Variants in FRMD6 observed in about 807,000 individuals in gnomAD.
FRMD6 encodes the protein FERM domain-containing protein 6.
In FRMD6, 37 loss-of-function variants were observed where a neutral mutation model predicts 73.2. The observed-to-expected ratio is 0.51, with a 90% CI of 0.39 to 0.66. The LOEUF is 0.66. Ranked by LOEUF, FRMD6 falls within the 30% of genes least tolerant of loss-of-function variation. The probability of loss-of-function intolerance (pLI) is 0.00; values close to 1 mark genes in which losing one functional copy is unlikely to be tolerated. For missense variants in FRMD6, 714 were observed against 780.5 expected (o/e 0.91, Z 1.02); for synonymous variants, 273 against 282.2 (o/e 0.97, Z 0.33).
intron 1 of FRMD6, among the ~76,000 whole-genome samples, chr14:51,516,881 T>A (rs926232791): frequency 6.6e-6 from 1 of 152,240 alleles, no homozygotes; most frequent in African/African-American, 2.4e-5. Context: ...TCTTCCCTGC[T>A]GGAAACAGTT....
At chr14:51,449,424 C>T in the FRMD6 span, among the ~76,000 whole-genome samples, 14 of 152,286 alleles carry the variant, frequency 9.2e-5, no homozygotes, top group African/African-American at 2.2e-4. Context: ...CCCATCACAG[C>T]TTATGGGATT....
the FRMD6 span, among the ~76,000 whole-genome samples, chr14:51,483,845 T>A: frequency 6.6e-6 from 1 of 152,228 alleles, no homozygotes; most frequent in Non-Finnish European, 1.5e-5. Context: ...GTAGAGTGTA[T>A]TGTTTGTTTC....
chr14:51,679,814 T>C (rs942050576), intron 1 of FRMD6, among the ~76,000 whole-genome samples: 6 of 152,320 alleles, frequency 3.9e-5, no homozygotes, highest in Non-Finnish European at 5.9e-5. Context: ...ATACCAGACC[T>C]GTGCTTTGGA....
the FRMD6 span, among the ~76,000 whole-genome samples, chr14:51,483,427 G>T: frequency 6.6e-6 from 1 of 152,192 alleles, no homozygotes; most frequent in Non-Finnish European, 1.5e-5. Flanking sequence ...TGGTGATGGG[G>T]CATTTGAAGG....
chr14:51,636,731 GTGC>G (rs1891584023), intron 2 of FRMD6, among the ~76,000 whole-genome samples: 1 of 152,164 alleles, frequency 6.6e-6, no homozygotes. Context: ...ACAAGGTAAG[GTGC>G]TTGTTTCCCC....
At chr14:51,650,799 A>G (rs1892317803), upstream of FRMD6, 1 of 151,864 alleles carries the variant, frequency 6.6e-6, no homozygotes, top group Non-Finnish European at 1.5e-5. Context: ...AGACACATAA[A>G]CCCCGGCACT....
At chr14:51,584,964 AG>A (rs1347813013) in intron 2 of FRMD6, among the ~76,000 whole-genome samples, 1 of 152,246 alleles carries the variant, frequency 6.6e-6, no homozygotes, top group African/African-American at 2.4e-5. Flanking sequence ...TCTTCTAGCA[AG>A]AATGTGAATA....
chr14:51,691,582 ATTTTGATTTTTT>A (rs1302424688), intron 2 of FRMD6, among the ~76,000 whole-genome samples: 4 of 105,568 alleles, frequency 3.8e-5, no homozygotes, highest in Non-Finnish European at 6.3e-5. Flanking sequence ...ATTTATTTTG[ATTTTGATTTTTT>A]TTTTTTTTTT....
chr14:51,708,891 C>T (rs899554185), intron 7 of FRMD6, among the ~76,000 whole-genome samples: 1 of 152,152 alleles, frequency 6.6e-6, no homozygotes, highest in Non-Finnish European at 1.5e-5. Context: ...GTATTCCACA[C>T]GTTCCTCACT....
intron 1 of FRMD6, among the ~76,000 whole-genome samples, chr14:51,557,574 A>C (rs1354308653): frequency 6.6e-6 from 1 of 152,172 alleles, no homozygotes; most frequent in Non-Finnish European, 1.5e-5. Context: ...TAGACAGGAA[A>C]CATAAATTCA....
At chr14:51,438,272 C>G in the FRMD6 span, among the ~76,000 whole-genome samples, 1 of 152,196 alleles carries the variant, frequency 6.6e-6, no homozygotes, top group Non-Finnish European at 1.5e-5. Flanking sequence ...ATGGGAGAAT[C>G]AGCAGAACCT....
At chr14:51,600,268 G>A (rs1162413878) in intron 2 of FRMD6, among the ~76,000 whole-genome samples, 2 of 152,120 alleles carry the variant, frequency 1.3e-5, no homozygotes, top group East Asian at 1.9e-4. Context: ...GAGCTCAGGA[G>A]CTTAATTTTT....
intron 10 of FRMD6, among the ~76,000 whole-genome samples, chr14:51,717,588 C>T (rs1293544359): frequency 4.6e-5 from 7 of 152,158 alleles, no homozygotes; most frequent in African/African-American, 1.7e-4. Context: ...AGAAATGACA[C>T]ATGCTTAGTT....
chr14:51,519,652 A>G (rs1216124986), intron 1 of FRMD6, among the ~76,000 whole-genome samples: 3 of 152,146 alleles, frequency 2.0e-5, no homozygotes, highest in Non-Finnish European at 4.4e-5. Context: ...TTTCTCCACT[A>G]CAACAAGGAG....
At chr14:51,589,377 C>A (rs1889243529) in intron 2 of FRMD6, among the ~76,000 whole-genome samples, 1 of 150,002 alleles carries the variant, frequency 6.7e-6, no homozygotes, top group South Asian at 2.1e-4. Flanking sequence ...TGTTGTTTTT[C>A]TTTTTTCTTT....
At chr14:51,699,414 A>G (rs980893329) in intron 3 of FRMD6, among the ~76,000 whole-genome samples, 4 of 152,104 alleles carry the variant, frequency 2.6e-5, no homozygotes, top group African/African-American at 9.7e-5. Flanking sequence ...TTCTTCTTAC[A>G]ACAACTACTG....
chr14:51,468,619 A>T, the FRMD6 span, among the ~76,000 whole-genome samples: 2 of 152,180 alleles, frequency 1.3e-5, no homozygotes, highest in South Asian at 4.1e-4. Flanking sequence ...ACAATGTTGA[A>T]TAGAAGAGAA....
the FRMD6 span, among the ~76,000 whole-genome samples, chr14:51,454,208 C>G: frequency 6.6e-6 from 1 of 152,200 alleles, no homozygotes; most frequent in Non-Finnish European, 1.5e-5. Flanking sequence ...AGCGGAGCCA[C>G]GTACACAATG....
intron 5 of FRMD6, among the ~76,000 whole-genome samples, chr14:51,702,843 A>T (rs957961965): frequency 1.3e-5 from 2 of 152,040 alleles, no homozygotes; most frequent in East Asian, 3.9e-4. Context: ...TATTAACAGT[A>T]TCTATTGGCC....
Sources: allele counts gnomAD v4.1 joint callset (sites outside exome capture counted in the v4.1 genomes callset), GRCh38; gene constraint gnomAD v4.1.1; transcripts MANE v1.5; gene names NCBI Gene and HGNC (gene_info 2026-07-23, HGNC 2026-07-21).